The following SLC35D4 variants were observed in gnomAD, a reference collection of about 807,000 sequenced individuals.
SLC35D4 encodes the protein solute carrier family 35 member D4, also known as UDP-N-acetylglucosamine transporter SLC35D4.
chr18:23,371,948 T>TTTTTTTTG, the SLC35D4 span, among the ~76,000 whole-genome samples: 1 of 98,764 alleles, frequency 1.0e-5, no homozygotes, highest in Non-Finnish European at 2.0e-5. Flanking sequence ...TTTTTTTTTT[T>TTTTTTTTG]TTTTTGAGAC....
At chr18:23,370,183 T>C in the SLC35D4 span, 5 of 1,569,544 alleles carry the variant, frequency 3.2e-6, no homozygotes, top group Non-Finnish European at 4.3e-6. Context: ...AGAGCTAAAC[T>C]CCATCTCAAG....
the SLC35D4 span, among the ~76,000 whole-genome samples, chr18:23,397,153 C>T: frequency 6.6e-6 from 1 of 152,262 alleles, no homozygotes; most frequent in South Asian, 2.1e-4. Context: ...AGCCTGCTCT[C>T]CATATCTGGG....
the SLC35D4 span, among the ~76,000 whole-genome samples, chr18:23,315,215 A>C: frequency 6.6e-6 from 1 of 152,296 alleles, no homozygotes; most frequent in Non-Finnish European, 1.5e-5. Context: ...AAGGGGTTGC[A>C]ATTTTTCAAA....
chr18:23,427,361 T>C, the SLC35D4 span, among the ~76,000 whole-genome samples: 6 of 152,164 alleles, frequency 3.9e-5, no homozygotes, highest in African/African-American at 1.4e-4. Flanking sequence ...GGGCAAAGGA[T>C]ATGAACAGAC....
chr18:23,411,573 C>T, the SLC35D4 span, among the ~76,000 whole-genome samples: 1 of 149,082 alleles, frequency 6.7e-6, no homozygotes, highest in Non-Finnish European at 1.5e-5. Flanking sequence ...GTAGGGTCTC[C>T]CAGCAACTCC....
chr18:23,381,207 C>T, the SLC35D4 span, among the ~76,000 whole-genome samples: 1 of 152,172 alleles, frequency 6.6e-6, no homozygotes. Context: ...GAATGATAGC[C>T]TTAATAGGGA....
chr18:23,411,192 G>C, the SLC35D4 span, among the ~76,000 whole-genome samples: 4 of 132,356 alleles, frequency 3.0e-5, no homozygotes, highest in Non-Finnish European at 3.1e-5. Context: ...AGGAAGGAGA[G>C]AAAGAGAAGG....
chr18:23,321,569 C>T, the SLC35D4 span, among the ~76,000 whole-genome samples: 1 of 152,162 alleles, frequency 6.6e-6, no homozygotes, highest in Non-Finnish European at 1.5e-5. Context: ...GATTCTCCGT[C>T]TCAGCCTCCT....
the SLC35D4 span, among the ~76,000 whole-genome samples, chr18:23,330,630 T>G: frequency 6.6e-6 from 1 of 152,172 alleles, no homozygotes; most frequent in Admixed American, 6.5e-5. Context: ...TCCGGATGGT[T>G]GGGCTGCAGG....
the SLC35D4 span, among the ~76,000 whole-genome samples, chr18:23,248,532 TTTTTTTAA>T: frequency 9.5e-5 from 13 of 137,336 alleles, no homozygotes; most frequent in East Asian, 1.4e-3. Context: ...TTTTTTTTTT[TTTTTTTAA>T]AAAAAGGCTG....
At chr18:23,289,127 TTCTCAACTACTCA>T in the SLC35D4 span, among the ~76,000 whole-genome samples, 3 of 152,178 alleles carry the variant, frequency 2.0e-5, no homozygotes, top group Admixed American at 6.5e-5. Context: ...CTATTCACTG[TTCTCAACTACTCA>T]TACATGTCCT....
At chr18:23,307,088 C>T in the SLC35D4 span, among the ~76,000 whole-genome samples, 1 of 152,352 alleles carries the variant, frequency 6.6e-6, no homozygotes, top group African/African-American at 2.4e-5. Context: ...AGTCCACCTC[C>T]GTTGGGTTAC....
the SLC35D4 span, among the ~76,000 whole-genome samples, chr18:23,353,598 C>T: frequency 2.2e-3 from 328 of 152,312 alleles, 1 homozygote; most frequent in African/African-American, 7.7e-3. Context: ...CATTAGGTTT[C>T]CCCATGTGTA....
the SLC35D4 span, among the ~76,000 whole-genome samples, chr18:23,252,630 C>A: frequency 6.6e-6 from 1 of 152,204 alleles, no homozygotes; most frequent in Admixed American, 6.5e-5. Flanking sequence ...CCAAGCCCCA[C>A]GCGCTTAAGC....
the SLC35D4 span, among the ~76,000 whole-genome samples, chr18:23,339,992 A>C: frequency 1.4e-4 from 21 of 152,348 alleles, no homozygotes; most frequent in East Asian, 3.1e-3. Context: ...GACCAAAGTC[A>C]AACAGTGAGT....
chr18:23,411,466 AAAAAGAAAGAAAGAGAT>A, the SLC35D4 span, among the ~76,000 whole-genome samples: 1 of 145,014 alleles, frequency 6.9e-6, no homozygotes, highest in Admixed American at 7.2e-5. Context: ...GAAAGAAAGA[AAAAAGAAAGAAAGAGAT>A]AGAAAGAAAG....
At chr18:23,259,751 G>T in the SLC35D4 span, 1 of 152,250 alleles carries the variant, frequency 6.6e-6, no homozygotes. Context: ...CTTGGGCTTC[G>T]GCGAGGAGGA....
chr18:23,402,000 A>G, the SLC35D4 span, among the ~76,000 whole-genome samples: 23 of 152,260 alleles, frequency 1.5e-4, no homozygotes, highest in African/African-American at 5.3e-4. Flanking sequence ...ACGTGGGACC[A>G]CCTCCCAGGC....
At chr18:23,264,385 C>T in the SLC35D4 span, among the ~76,000 whole-genome samples, 29 of 105,624 alleles carry the variant, frequency 2.7e-4, no homozygotes, top group Admixed American at 1.3e-3. Context: ...TTTTTTGAGA[C>T]GGAGTCTCGC....
Sources: allele counts gnomAD v4.1 joint callset (sites outside exome capture counted in the v4.1 genomes callset), GRCh38; gene constraint gnomAD v4.1.1; transcripts MANE v1.5; gene names NCBI Gene and HGNC (gene_info 2026-07-23, HGNC 2026-07-21).